BCR: variants seen among roughly 807,000 people sequenced by gnomAD.
BCR encodes the protein BCR activator of RhoGEF and GTPase.
A neutral mutation model predicts 138.6 loss-of-function variants in BCR; 58 were observed. That is an observed-to-expected ratio of 0.42 (90% CI 0.34 to 0.52). The LOEUF is 0.52. Ranked by LOEUF, BCR falls within the 20% of genes least tolerant of loss-of-function variation. The pLI is 0.06. For missense variants in BCR, 1,599 were observed against 1,727.2 expected (o/e 0.93, Z 1.32); for synonymous variants, 786 against 730.1 (o/e 1.08, Z -1.23).
At chr22:23,289,302 C>T (rs2073755664) in intron 12 of BCR, among the ~76,000 whole-genome samples, 1 of 152,224 alleles carries the variant, frequency 6.6e-6, no homozygotes, top group Admixed American at 6.5e-5. Flanking sequence ...CATGCTAAGA[C>T]TCCTCCAGGC....
At chr22:23,203,355 C>G (rs2072577762) in intron 1 of BCR, among the ~76,000 whole-genome samples, 1 of 151,858 alleles carries the variant, frequency 6.6e-6, no homozygotes, top group Non-Finnish European at 1.5e-5. Flanking sequence ...TTTCTTGCCT[C>G]CTTCTGTTCA....
intron 16 of BCR, among the ~76,000 whole-genome samples, chr22:23,300,718 C>T (rs1451207526): frequency 6.6e-6 from 1 of 152,218 alleles, no homozygotes; most frequent in Non-Finnish European, 1.5e-5. Context: ...TGGCTTGTAC[C>T]TGGTCAGGTG....
intron 8 of BCR, among the ~76,000 whole-genome samples, chr22:23,274,308 C>G (rs907409633): frequency 1.7e-4 from 26 of 152,240 alleles, no homozygotes; most frequent in African/African-American, 5.3e-4. Flanking sequence ...CCTTCCCCCC[C>G]GTCACTGATG....
At chr22:23,231,901 C>T (rs2072963667) in intron 1 of BCR, among the ~76,000 whole-genome samples, 1 of 152,202 alleles carries the variant, frequency 6.6e-6, no homozygotes, top group African/African-American at 2.4e-5. Context: ...TCTTTCTTGG[C>T]CCTGCTCCAC....
intron 1 of BCR, among the ~76,000 whole-genome samples, chr22:23,246,218 A>T (rs1273021890): frequency 6.6e-6 from 1 of 152,190 alleles, no homozygotes; most frequent in Non-Finnish European, 1.5e-5. Context: ...TGAAGCCAGG[A>T]GTTCAAGACC....
intron 14 of BCR, among the ~76,000 whole-genome samples, chr22:23,292,176 C>T (rs537265090): frequency 6.6e-6 from 1 of 152,302 alleles, no homozygotes; most frequent in Admixed American, 6.5e-5. Flanking sequence ...AGGATGGCTG[C>T]CCTCTGCTGT....
In BCR at chr22:23,287,178, A is replaced by G; in HGVS notation, c.2426A>G (p.Lys809Arg). ...CCACAGAGGGCGAACAAGGGCAGCA[A>G]GGCTACGGAGAGGCTGAAGAAGAAG... ...QREKRANKGS[K>R]ATERLKKKLS... The change falls in exon 11 of 23, where the codon AAG becomes AGG. Residue 809 changes from lysine to arginine, a missense_variant. Lys to Arg is a conservative substitution (Grantham distance 26). Coordinates refer to ENST00000305877, the MANE Select transcript of BCR (RefSeq NM_004327.4). 6.3e-7 allele frequency: 1 copy of G among 1,577,418 alleles called. No homozygotes were observed. Among genetic ancestry groups the G allele is most frequent in the Non-Finnish European group, 8.6e-7 (1 of 1,160,782 alleles).
chr22:23,312,360 C>T (rs955224134), intron 19 of BCR: 2 of 185,768 alleles, frequency 1.1e-5, no homozygotes, highest in African/African-American at 2.3e-5. Context: ...GGGGCACACA[C>T]CACCAACCCT....
chr22:23,296,373 CAA>C lies in BCR; in HGVS notation c.3012+1240_3012+1241del, dbSNP rs996139532. On this transcript the variant is annotated intron_variant, in intron 16 of 22. Transcript: ENST00000305877. ...TGGGTGACAGAGCGAGAGTCCGTCT[CAA>C]AAAAAAAAAAAAAAAAAAAAATACC... Among the ~76,000 whole-genome samples the C allele has an allele frequency of 9.2e-3, 520 of 56,646 alleles. 3 individuals carry two copies. Among genetic ancestry groups the C allele is most frequent in the South Asian group, 0.07 (114 of 1,632 alleles). The allele number at this position is 56,646 out of a possible 152,430, so 37.2% of individuals were successfully genotyped here. A position where few individuals can be genotyped will look rare whatever the true frequency, so the allele number is the denominator to read the frequency against.
intron 2 of BCR, 161 bp from the exon 3 acceptor site, chr22:23,260,789 G>A: frequency 1.5e-6 from 1 of 672,660 alleles, no homozygotes. Flanking sequence ...GGCTTAGTAT[G>A]TGCGGAGGGT....
chr22:23,239,015 G>A (rs1454308183), intron 1 of BCR, among the ~76,000 whole-genome samples: 1 of 152,164 alleles, frequency 6.6e-6, no homozygotes. Flanking sequence ...TGTGGGCCCA[G>A]CAGGGTTCAT....
At chr22:23,310,059 A>G (rs544057477) in intron 17 of BCR, 2 of 477,176 alleles carry the variant, frequency 4.2e-6, no homozygotes, top group African/African-American at 3.9e-5. Flanking sequence ...AAGCTCCTAT[A>G]TCTAAAAAAA....
Position 23,295,525 on chromosome 22 carries a change from G to A in BCR, c.3012+370G>A, listed in dbSNP as rs557028055. ...GCCAGTCTTCTTAGAAAAGCACAGG[G>A]GTCCCAGAGGCTGCCTGCAAGCACA... On this transcript the variant is annotated intron_variant, in intron 16 of 22. Coordinates refer to ENST00000305877, the MANE Select transcript of BCR (RefSeq NM_004327.4). Among the ~76,000 whole-genome samples the A allele has an allele frequency of 1.0e-3, 157 of 152,046 alleles. 1 individual carries two copies. In the South Asian group the frequency reaches 0.017, roughly 16 times the overall value.
chr22:23,304,070 A>T (rs131684), intron 16 of BCR, among the ~76,000 whole-genome samples: 74,039 of 147,556 alleles, frequency 0.5, 18,915 homozygotes, highest in East Asian at 0.74. Context: ...AGTAGCTGGG[A>T]CCACAGGCAT....
intron 16 of BCR, chr22:23,302,600 T>G (rs1316279007): frequency 6.6e-6 from 1 of 152,292 alleles, no homozygotes; most frequent in Non-Finnish European, 1.5e-5. Context: ...TCAAAAAGGC[T>G]GGGCTCCGGA....
Position 23,182,255 on chromosome 22 carries a change from C to G in BCR, c.1279+16C>G. 6.5e-7 allele frequency: 1 copy of G among 1,538,498 alleles called. No individual in the cohort carries two copies. Among genetic ancestry groups the G allele is most frequent in the Non-Finnish European group, 8.7e-7 (1 of 1,143,824 alleles). ...GGAGACGCAGGTGAGTTCCTCACGC[C>G]ACGTGCGTGGGCACACCTGCACGGG... On this transcript the variant is annotated intron_variant, in intron 1 of 22. Transcript: ENST00000305877.
Position 23,289,624 on chromosome 22 carries a change from G to C in BCR, c.2707+3G>C, listed in dbSNP as rs756463012. On this transcript the variant is annotated splice_donor_region_variant and intron_variant, in intron 13 of 22. Coordinates refer to ENST00000305877, the MANE Select transcript of BCR (RefSeq NM_004327.4). ...TCCGCTGACCATCAATAAGGAAGGT[G>C]GGCCCCCCCGTTTCCGTGTACAGGG... 6.3e-7 allele frequency: 1 copy of C among 1,591,966 alleles called. No homozygotes were observed. Among genetic ancestry groups the C allele is most frequent in the Non-Finnish European group, 8.5e-7 (1 of 1,172,852 alleles).
At chr22:23,235,839 A>C (rs1335787561) in intron 1 of BCR, among the ~76,000 whole-genome samples, 3 of 152,092 alleles carry the variant, frequency 2.0e-5, no homozygotes, top group African/African-American at 7.2e-5. Flanking sequence ...TGTGGAAAGG[A>C]TGGGGGCTGT....
chr22:23,299,275 C>T (rs1057341528), intron 16 of BCR, among the ~76,000 whole-genome samples: 7 of 152,228 alleles, frequency 4.6e-5, no homozygotes, highest in African/African-American at 1.7e-4. Flanking sequence ...TGAGCCACCA[C>T]GCCTAGCTCC....
Sources: allele counts gnomAD v4.1 joint callset (sites outside exome capture counted in the v4.1 genomes callset), GRCh38; gene constraint gnomAD v4.1.1; transcripts MANE v1.5; gene names NCBI Gene and HGNC (gene_info 2026-07-23, HGNC 2026-07-21).